The following CDKAL1 variants were observed in gnomAD, a reference collection of about 807,000 sequenced individuals.
CDKAL1 encodes threonylcarbamoyladenosine tRNA methylthiotransferase.
CDKAL1 carries 32 observed loss-of-function variants against 68.2 expected under a neutral mutation model. The observed-to-expected ratio is 0.47, with a 90% CI of 0.35 to 0.63. The LOEUF (loss-of-function observed/expected upper bound fraction) is 0.63, where lower values mean the gene tolerates loss of function less well. Among genes scored for constraint, CDKAL1 ranks in the 30% least tolerant of loss-of-function variants. CDKAL1 has a pLI of 0.00. For missense variants in CDKAL1, 606 were observed against 696.7 expected, an observed-to-expected ratio of 0.87 and a Z score of 1.47; for synonymous variants, 234 against 244.3, an observed-to-expected ratio of 0.96 and a Z score of 0.39.
intron 5 of CDKAL1, among the ~76,000 whole-genome samples, chr6:20,685,104 T>C (rs931509568): frequency 6.6e-6 from 1 of 152,234 alleles, no homozygotes; most frequent in Non-Finnish European, 1.5e-5. Context: ...GATTTTCTCC[T>C]ATGTTATCTC....
intron 7 of CDKAL1, among the ~76,000 whole-genome samples, chr6:20,761,252 C>G (rs892919607): frequency 6.6e-6 from 1 of 152,176 alleles, no homozygotes. Flanking sequence ...GTACAATGGT[C>G]AAAATCCAAA....
chr6:20,542,888 C>G (rs766093089), intron 2 of CDKAL1, among the ~76,000 whole-genome samples: 46 of 152,196 alleles, frequency 3.0e-4, no homozygotes, highest in Non-Finnish European at 6.3e-4. Context: ...TTTCTCATTT[C>G]AAGCATGTTA....
At chr6:20,730,843 C>CAAA (rs34407999) in intron 5 of CDKAL1, among the ~76,000 whole-genome samples, 6 of 116,270 alleles carry the variant, frequency 5.2e-5, no homozygotes, top group African/African-American at 1.3e-4. Flanking sequence ...GACTCCGTCT[C>CAAA]AAAAAAAAAA....
At chr6:20,670,858 C>T (rs1426176963) in intron 5 of CDKAL1, among the ~76,000 whole-genome samples, 2 of 152,084 alleles carry the variant, frequency 1.3e-5, no homozygotes, top group African/African-American at 4.8e-5. Flanking sequence ...TAGAAATCTT[C>T]GTCATTCTTT....
chr6:21,117,332 A>G (rs1384538055), intron 13 of CDKAL1, among the ~76,000 whole-genome samples: 1 of 149,650 alleles, frequency 6.7e-6, no homozygotes, highest in Admixed American at 6.7e-5. Context: ...TGTGGGACAT[A>G]TTTATACTAA....
At chr6:20,827,718 A>T (rs1367959049) in intron 8 of CDKAL1, among the ~76,000 whole-genome samples, 1 of 152,168 alleles carries the variant, frequency 6.6e-6, no homozygotes, top group Non-Finnish European at 1.5e-5. Flanking sequence ...CAAATTGAAG[A>T]CATAAAGATA....
chr6:20,945,112 A>T (rs75088704), intron 9 of CDKAL1, among the ~76,000 whole-genome samples: 149 of 150,386 alleles, frequency 9.9e-4, no homozygotes, highest in African/African-American at 3.3e-3. Flanking sequence ...TTTACTTAAG[A>T]ATGTAACTAT....
chr6:21,174,141 A>G (rs537736781), intron 13 of CDKAL1, among the ~76,000 whole-genome samples: 2 of 152,344 alleles, frequency 1.3e-5, no homozygotes, highest in African/African-American at 2.4e-5. Flanking sequence ...AACACAATAG[A>G]AAAAGATCTC....
At chr6:21,143,560 A>G (rs1776025870) in intron 13 of CDKAL1, among the ~76,000 whole-genome samples, 1 of 152,054 alleles carries the variant, frequency 6.6e-6, no homozygotes, top group South Asian at 2.1e-4. Context: ...TTATTTTCTT[A>G]ATTTGTCAGG....
intron 4 of CDKAL1, among the ~76,000 whole-genome samples, chr6:20,599,706 C>A (rs1765999002): frequency 6.6e-6 from 1 of 152,118 alleles, no homozygotes; most frequent in Admixed American, 6.5e-5. Flanking sequence ...GTATTCAAAT[C>A]TAATTTGCAT....
chr6:21,031,568 T>C (rs921862523), intron 11 of CDKAL1, among the ~76,000 whole-genome samples: 4 of 151,478 alleles, frequency 2.6e-5, no homozygotes, highest in African/African-American at 9.7e-5. Context: ...CACACACTGG[T>C]TTATGGTTTA....
At chr6:20,573,679 A>G (rs982395205) in intron 4 of CDKAL1, among the ~76,000 whole-genome samples, 14 of 152,168 alleles carry the variant, frequency 9.2e-5, no homozygotes, top group African/African-American at 3.4e-4. Context: ...ATTATGCTTA[A>G]TATATTTATC....
rs183335970 is a variant in CDKAL1 at position 20,731,193 on chromosome 6, A to G, written c.372-8326A>G. Among the ~76,000 whole-genome samples, 4 of 152,344 alleles carry G rather than the reference A, an allele frequency of 2.6e-5. No individual in the cohort carries two copies. In the East Asian group the frequency reaches 5.8e-4, roughly 22 times the overall value. On this transcript the variant is annotated intron_variant, in intron 5 of 15. Coordinates refer to ENST00000274695, the MANE Select transcript of CDKAL1 (RefSeq NM_017774.3). ...GCTTCGTAGGCCATTCTTATGAACTATTAGTCCTTGTGAGATGATGATATA... is the reference window on the plus strand; with the variant it reads ...GCTTCGTAGGCCATTCTTATGAACTGTTAGTCCTTGTGAGATGATGATATA...
intron 8 of CDKAL1, among the ~76,000 whole-genome samples, chr6:20,801,827 C>T (rs1776376660): frequency 6.6e-6 from 1 of 152,164 alleles, no homozygotes; most frequent in South Asian, 2.1e-4. Context: ...CTGTAATCCC[C>T]TCCCTGTCTT....
At chr6:21,061,453 C>T (rs1771135212) in intron 11 of CDKAL1, among the ~76,000 whole-genome samples, 1 of 152,072 alleles carries the variant, frequency 6.6e-6, no homozygotes, top group Admixed American at 6.5e-5. Context: ...ACATTACACA[C>T]AGCTTAAATA....
intron 10 of CDKAL1, among the ~76,000 whole-genome samples, chr6:20,988,780 G>T (rs1184823390): frequency 6.6e-6 from 1 of 151,338 alleles, no homozygotes; most frequent in Non-Finnish European, 1.5e-5. Context: ...CTCCCCAGTA[G>T]CTAGGATTAC....
intron 4 of CDKAL1, among the ~76,000 whole-genome samples, chr6:20,616,356 G>A (rs1766899218): frequency 6.8e-6 from 1 of 146,910 alleles, no homozygotes; most frequent in Non-Finnish European, 1.5e-5. Context: ...CATTGAATCT[G>A]TAAATTACCT....
chr6:20,857,160 G>A (rs1034965660), intron 9 of CDKAL1, among the ~76,000 whole-genome samples: 3 of 152,084 alleles, frequency 2.0e-5, no homozygotes, highest in Non-Finnish European at 4.4e-5. Flanking sequence ...ATTTCTCGTG[G>A]TGAGTTCCAA....
At chr6:20,824,949 T>G (rs1454905578) in intron 8 of CDKAL1, among the ~76,000 whole-genome samples, 1 of 73,504 alleles carries the variant, frequency 1.4e-5, no homozygotes, top group African/African-American at 4.4e-5. Flanking sequence ...ATATCTTGCT[T>G]CTTTTTCCTC....
Sources: gnomAD v4.1 joint callset for allele counts (sites outside exome capture counted in the v4.1 genomes callset) on GRCh38, gnomAD v4.1.1 for gene constraint, MANE v1.5 for transcripts, NCBI Gene and HGNC (gene_info 2026-07-23, HGNC 2026-07-21) for gene names.